The following FBXO4 variants were observed in gnomAD, a reference collection of about 807,000 sequenced individuals.
The protein encoded by FBXO4 is F-box only protein 4.
In FBXO4, 36 loss-of-function variants were observed where a neutral mutation model predicts 43.7. The ratio of observed to expected loss-of-function variants is 0.82; its 90% CI spans 0.63 to 1.09. The LOEUF is 1.09. FBXO4 is among the 50% of genes least tolerant of loss of function. FBXO4 has a pLI of 0.00. For missense variants in FBXO4, 435 were observed against 474.1 expected (o/e 0.92, Z 0.77); for synonymous variants, 180 against 165.6 (o/e 1.09, Z -0.67).
chr5:41,967,677 G>A, the FBXO4 span: 8 of 667,952 alleles, frequency 1.2e-5, no homozygotes, highest in Middle Eastern at 5.4e-4. Context: ...GCTGGTATAC[G>A]GAATACTGGT....
chr5:41,983,041 C>T, the FBXO4 span, among the ~76,000 whole-genome samples: 17 of 152,136 alleles, frequency 1.1e-4, no homozygotes, highest in Admixed American at 4.6e-4. Context: ...CTGCAAAGGA[C>T]GTGAACTCAT....
chr5:41,983,322 T>C, the FBXO4 span, among the ~76,000 whole-genome samples: 2 of 152,214 alleles, frequency 1.3e-5, no homozygotes, highest in Non-Finnish European at 2.9e-5. Flanking sequence ...CTTTATATGC[T>C]AATTTTTGCC....
chr5:41,981,875 A>C, the FBXO4 span, among the ~76,000 whole-genome samples: 2 of 150,178 alleles, frequency 1.3e-5, no homozygotes, highest in Non-Finnish European at 3.0e-5. Context: ...CATTAGGTAT[A>C]TCTCCTAATG....
At chr5:41,966,357 A>G in the FBXO4 span, among the ~76,000 whole-genome samples, 2 of 152,324 alleles carry the variant, frequency 1.3e-5, no homozygotes, top group Middle Eastern at 3.4e-3. Context: ...AACTATACAG[A>G]TATTCCCTAA....
chr5:41,932,984 C>T (rs1474095014), intron 3 of FBXO4, among the ~76,000 whole-genome samples: 1 of 152,114 alleles, frequency 6.6e-6, no homozygotes, highest in Non-Finnish European at 1.5e-5. Context: ...ATATTTAGCA[C>T]TTGTGGTTTA....
chr5:42,029,313 C>T, the FBXO4 span, among the ~76,000 whole-genome samples: 4 of 152,150 alleles, frequency 2.6e-5, no homozygotes, highest in South Asian at 2.1e-4. Flanking sequence ...TGCTGCCAGA[C>T]GTATTGCAGC....
Position 41,929,671 on chromosome 5 carries a change from G to T in FBXO4, c.426-26G>T, listed in dbSNP as rs773779898. ...ATAACTGGCTGTTTTCTGTGTTAAT[G>T]TTCTAATTGTGACAATTTTTTACAG... On this transcript the variant is annotated intron_variant, in intron 2 of 6. Coordinates refer to ENST00000281623, the MANE Select transcript of FBXO4 (RefSeq NM_012176.3). 143 of 1,533,768 alleles carry T rather than the reference G, an allele frequency of 9.3e-5. No individual in the cohort carries two copies. The South Asian group carries it at 1.6e-3, about 18-fold the overall frequency.
chr5:41,983,794 T>C, the FBXO4 span, among the ~76,000 whole-genome samples: 2 of 152,196 alleles, frequency 1.3e-5, no homozygotes, highest in Admixed American at 1.3e-4. Context: ...ATATGTCATA[T>C]GTTTCTCCAG....
chr5:41,940,821 C>A (rs1032049182), intron 6 of FBXO4, among the ~76,000 whole-genome samples: 1 of 152,154 alleles, frequency 6.6e-6, no homozygotes, highest in Non-Finnish European at 1.5e-5. Context: ...GTCTTCAAGA[C>A]ACATTTTTGC....
the FBXO4 span, among the ~76,000 whole-genome samples, chr5:42,016,907 AT>A: frequency 6.6e-6 from 1 of 152,106 alleles, no homozygotes; most frequent in Non-Finnish European, 1.5e-5. Context: ...AAGACTTTAT[AT>A]TTCAGTAGTG....
the FBXO4 span, among the ~76,000 whole-genome samples, chr5:41,949,102 A>G: frequency 6.6e-6 from 1 of 152,230 alleles, no homozygotes; most frequent in South Asian, 2.1e-4. Flanking sequence ...CGCACAGCCT[A>G]TATCATACTG....
chr5:42,030,348 A>C, the FBXO4 span, among the ~76,000 whole-genome samples: 2,094 of 151,640 alleles, frequency 0.014, 89 homozygotes, highest in East Asian at 0.093. Flanking sequence ...CAAAAACAAG[A>C]AATGGGGAAA....
the FBXO4 span, among the ~76,000 whole-genome samples, chr5:41,974,232 G>C: frequency 6.6e-6 from 1 of 152,136 alleles, no homozygotes; most frequent in Non-Finnish European, 1.5e-5. Context: ...TGTTCTCTGA[G>C]CTTCTTGAAA....
the FBXO4 span, among the ~76,000 whole-genome samples, chr5:42,006,914 A>ATG: frequency 1.4e-5 from 2 of 141,504 alleles, no homozygotes; most frequent in African/African-American, 5.3e-5. Context: ...ATATATATAT[A>ATG]TATGTATATA....
At chr5:41,942,556 A>T (rs2112591592), downstream of FBXO4, among the ~76,000 whole-genome samples, 1 of 152,150 alleles carries the variant, frequency 6.6e-6, no homozygotes, top group East Asian at 1.9e-4. Flanking sequence ...TTTTTTTCTT[A>T]TAGCACACTC....
At chr5:42,010,694 T>A in the FBXO4 span, among the ~76,000 whole-genome samples, 3 of 152,094 alleles carry the variant, frequency 2.0e-5, no homozygotes, top group Admixed American at 2.0e-4. Context: ...TCTTTTCAAT[T>A]ATCTTAGGTA....
chr5:41,938,880 G>T (rs913375803), intron 5 of FBXO4, among the ~76,000 whole-genome samples: 4 of 152,186 alleles, frequency 2.6e-5, no homozygotes, highest in Admixed American at 2.6e-4. Context: ...TCCAGCAATG[G>T]AGAATCTCCC....
the FBXO4 span, among the ~76,000 whole-genome samples, chr5:41,970,070 G>T: frequency 6.6e-6 from 1 of 152,002 alleles, no homozygotes; most frequent in Non-Finnish European, 1.5e-5. Flanking sequence ...ATTTTACTGT[G>T]AATTAGTTCT....
At chr5:42,005,399 C>T in the FBXO4 span, among the ~76,000 whole-genome samples, 2 of 152,264 alleles carry the variant, frequency 1.3e-5, no homozygotes, top group Admixed American at 6.5e-5. Context: ...ATCTTGAAAG[C>T]TAATTGAAGT....
Sources: allele counts gnomAD v4.1 joint callset (sites outside exome capture counted in the v4.1 genomes callset), GRCh38; gene constraint gnomAD v4.1.1; transcripts MANE v1.5; gene names NCBI Gene and HGNC (gene_info 2026-07-23, HGNC 2026-07-21).